MLXIP: variants seen among roughly 807,000 people sequenced by gnomAD.
The protein encoded by MLXIP is MLX interacting protein.
MLXIP carries 30 observed loss-of-function variants against 87.2 expected under a neutral mutation model. That is an observed-to-expected ratio of 0.34 (90% CI 0.26 to 0.47). MLXIP has a LOEUF of 0.47. Ranked by LOEUF, MLXIP falls within the 20% of genes least tolerant of loss-of-function variation. The pLI is 1.00. For missense variants in MLXIP, 1,002 were observed against 1,240.1 expected (o/e 0.81, Z 2.88); for synonymous variants, 530 against 514.0 (o/e 1.03, Z -0.42).
intron 15 of MLXIP, among the ~76,000 whole-genome samples, chr12:122,140,573 C>T (rs1206383381): frequency 2.6e-5 from 4 of 152,168 alleles, no homozygotes; most frequent in South Asian, 2.1e-4. Flanking sequence ...GGATTATAGA[C>T]GTGAGCCACC....
chr12:122,136,459 C>CAAAAAAAAAAAAA (rs1224302321), intron 11 of MLXIP: 22 of 27,946 alleles, frequency 7.9e-4, no homozygotes, highest in South Asian at 1.5e-3. Context: ...TCAAAAAATG[C>CAAAAAAAAAAAAA]AAAAAAAAAA....
intron 1 of MLXIP, among the ~76,000 whole-genome samples, chr12:122,085,778 A>G (rs539877736): frequency 1.3e-4 from 20 of 152,228 alleles, no homozygotes; most frequent in South Asian, 4.1e-4. Flanking sequence ...CTTTTGCTGG[A>G]TGGTGTTCGT....
intron 1 of MLXIP, among the ~76,000 whole-genome samples, chr12:122,126,450 G>T (rs868352517): frequency 2.0e-5 from 3 of 152,172 alleles, no homozygotes; most frequent in African/African-American, 7.2e-5. Flanking sequence ...ATGGTGTCGG[G>T]GGCAGCATCT....
At chr12:122,123,305 AC>A (rs1362793194) in intron 1 of MLXIP, among the ~76,000 whole-genome samples, 1 of 151,820 alleles carries the variant, frequency 6.6e-6, no homozygotes, top group East Asian at 1.9e-4. Flanking sequence ...CAGGCCGTCG[AC>A]CCTTTCCGGC....
intron 1 of MLXIP, among the ~76,000 whole-genome samples, chr12:122,125,897 CTTCCAGGGCAGG>C (rs1449892743): frequency 6.6e-6 from 1 of 152,230 alleles, no homozygotes; most frequent in Non-Finnish European, 1.5e-5. Flanking sequence ...GGGCATCTGC[CTTCCAGGGCAGG>C]TTCCAGGTTC....
intron 1 of MLXIP, among the ~76,000 whole-genome samples, chr12:122,110,323 T>C (rs1952584495): frequency 6.6e-6 from 1 of 151,980 alleles, no homozygotes; most frequent in Non-Finnish European, 1.5e-5. Flanking sequence ...GTTTTGCTCT[T>C]GTTGCCCAGG....
At chr12:122,121,260 G>A (rs539123677) in intron 1 of MLXIP, among the ~76,000 whole-genome samples, 8 of 149,314 alleles carry the variant, frequency 5.4e-5, no homozygotes, top group South Asian at 2.1e-4. Context: ...TGCCTGCCTC[G>A]GCCTCCCAAA....
At chr12:122,106,830 G>A (rs997489611) in intron 1 of MLXIP, among the ~76,000 whole-genome samples, 3 of 152,036 alleles carry the variant, frequency 2.0e-5, no homozygotes, top group Non-Finnish European at 4.4e-5. Flanking sequence ...TCAAACTCCT[G>A]ACCTCAGGTG....
Position 122,135,123 on chromosome 12 carries a change from G to T in MLXIP, c.1733-101G>T. 1 of 1,465,810 alleles carries T rather than the reference G, an allele frequency of 6.8e-7. No individual in the cohort carries two copies. Among genetic ancestry groups the T allele is most frequent in the Non-Finnish European group, 9.3e-7 (1 of 1,069,700 alleles). 90.8% of individuals were successfully genotyped at this position (1,465,810 alleles called of 1,614,324 possible). A position where few individuals can be genotyped will look rare whatever the true frequency, so the allele number is the denominator to read the frequency against. On this transcript the variant is annotated intron_variant, in intron 9 of 16. Coordinates refer to ENST00000319080, the MANE Select transcript of MLXIP (RefSeq NM_014938.6). The surrounding 1 kb of genome is among the most constrained non-coding windows in gnomAD (Gnocchi z 5.3). Reference sequence around the variant, plus strand: ...TGGCTTTGTCTTCCTGTCCCCTGGGGTTGAGAACAAGCTGTCTCACTGGCA... The same window carrying T: ...TGGCTTTGTCTTCCTGTCCCCTGGGTTTGAGAACAAGCTGTCTCACTGGCA...
At chr12:122,097,428 C>T (rs1470792692) in intron 1 of MLXIP, among the ~76,000 whole-genome samples, 1 of 151,872 alleles carries the variant, frequency 6.6e-6, no homozygotes, top group African/African-American at 2.4e-5. Flanking sequence ...CCATATCATC[C>T]TGGGCAACAT....
rs898992093 is a variant in MLXIP at position 122,147,295 on chromosome 12, A to G, written c.*5483A>G. 2 of 152,190 alleles carry G rather than the reference A, an allele frequency of 1.3e-5. No homozygotes were observed. Among genetic ancestry groups the G allele is most frequent in the Non-Finnish European group, 2.9e-5 (2 of 68,036 alleles). The allele number at this position is 152,190 out of a possible 1,614,324, so 9.4% of individuals were successfully genotyped here. ...TATTCAACACTACAATGCATTTTTT[A>G]AACTATATTTGCATCCAAGACAATA... On this transcript the variant is annotated 3_prime_UTR_variant, in exon 17 of 17. Coordinates refer to ENST00000319080, the MANE Select transcript of MLXIP (RefSeq NM_014938.6).
intron 1 of MLXIP, among the ~76,000 whole-genome samples, chr12:122,119,931 T>C (rs768545445): frequency 2.0e-5 from 3 of 152,208 alleles, no homozygotes; most frequent in Non-Finnish European, 2.9e-5. Flanking sequence ...TTGCCCATCA[T>C]TCTATCCCCA....
intron 1 of MLXIP, among the ~76,000 whole-genome samples, chr12:122,113,677 A>ATTTT (rs1305197741): frequency 5.7e-5 from 5 of 87,946 alleles, no homozygotes; most frequent in African/African-American, 9.8e-5. Flanking sequence ...AACTGCCTTC[A>ATTTT]TTTCTTTTTT....
chr12:122,090,688 G>A (rs1039477995), intron 1 of MLXIP, among the ~76,000 whole-genome samples: 3 of 152,078 alleles, frequency 2.0e-5, no homozygotes, highest in Non-Finnish European at 4.4e-5. Context: ...TTATTTGAAG[G>A]ATGACCATCA....
intron 1 of MLXIP, among the ~76,000 whole-genome samples, chr12:122,080,910 A>G (rs572190519): frequency 1.3e-5 from 2 of 152,274 alleles, no homozygotes; most frequent in South Asian, 4.1e-4. Context: ...TCTTTATTTT[A>G]ATATAAACTT....
At chr12:122,115,917 T>G (rs536732156) in intron 1 of MLXIP, among the ~76,000 whole-genome samples, 1 of 152,098 alleles carries the variant, frequency 6.6e-6, no homozygotes, top group African/African-American at 2.4e-5. Flanking sequence ...CCAGGCATGA[T>G]GGCAGTACCT....
At chr12:122,115,839 G>A (rs1202101346) in intron 1 of MLXIP, among the ~76,000 whole-genome samples, 1 of 152,088 alleles carries the variant, frequency 6.6e-6, no homozygotes, top group Non-Finnish European at 1.5e-5. Context: ...GATCACCTGA[G>A]GTCAGGAGTT....
In MLXIP at chr12:122,079,275, C is replaced by A; in HGVS notation, c.413+9C>A. 3 of 1,547,768 alleles carry A rather than the reference C, an allele frequency of 1.9e-6. No individual in the cohort carries two copies. Among genetic ancestry groups the A allele is most frequent in the Non-Finnish European group, 2.6e-6 (3 of 1,145,094 alleles). ...ATGACTTTGGCCTACAGGTAGGGAC[C>A]CCCGCGACCCCCTGAGGCCCCGGCC... On this transcript the variant is annotated intron_variant, in intron 1 of 16. Transcript: ENST00000319080.
chr12:122,118,007 A>G (rs1045463373), intron 1 of MLXIP, among the ~76,000 whole-genome samples: 1 of 152,234 alleles, frequency 6.6e-6, no homozygotes, highest in Non-Finnish European at 1.5e-5. Flanking sequence ...TCTCTAGGTC[A>G]TATCTGAATT....
Sources: allele counts gnomAD v4.1 joint callset (sites outside exome capture counted in the v4.1 genomes callset), GRCh38; gene constraint gnomAD v4.1.1; non-coding constraint Gnocchi (gnomAD v3.1); transcripts MANE v1.5; gene names NCBI Gene and HGNC (gene_info 2026-07-23, HGNC 2026-07-21).